Variants in MGAT4C observed in about 807,000 individuals in gnomAD.
The protein encoded by MGAT4C is MGAT4 family member C.
In MGAT4C, 19 loss-of-function variants were observed where a neutral mutation model predicts 40.1. The ratio of observed to expected loss-of-function variants is 0.47; its 90% CI spans 0.33 to 0.70. The LOEUF is 0.70. Among genes scored for constraint, MGAT4C ranks in the 30% least tolerant of loss-of-function variants. The pLI, the probability that MGAT4C is intolerant of heterozygous loss-of-function variation, is 0.02. For missense variants in MGAT4C, 491 were observed against 563.2 expected (o/e 0.87, Z 1.30); for synonymous variants, 181 against 187.1 (o/e 0.97, Z 0.27).
intron 3 of MGAT4C, among the ~76,000 whole-genome samples, chr12:86,357,769 A>AT (rs1955350940): frequency 6.6e-6 from 1 of 152,202 alleles, no homozygotes; most frequent in Admixed American, 6.5e-5. Flanking sequence ...CAAGAAGAGA[A>AT]GTTTAAAGAA....
intron 1 of MGAT4C, among the ~76,000 whole-genome samples, chr12:86,772,363 C>T (rs999529796): frequency 3.3e-5 from 5 of 152,194 alleles, no homozygotes; most frequent in African/African-American, 7.2e-5. Flanking sequence ...ACAAAATAAA[C>T]GGATGGAACA....
intron 1 of MGAT4C, among the ~76,000 whole-genome samples, chr12:86,191,674 C>CACACA: frequency 1.7e-5 from 2 of 115,470 alleles, no homozygotes; most frequent in African/African-American, 2.9e-5. Flanking sequence ...CACACACACA[C>CACACA]CCTTATCTCC....
chr12:86,613,551 T>C (rs1216381705), intron 2 of MGAT4C, among the ~76,000 whole-genome samples: 1 of 152,168 alleles, frequency 6.6e-6, no homozygotes, highest in African/African-American at 2.4e-5. Context: ...TGCAATTACA[T>C]TGTTATTTCA....
chr12:86,593,829 G>A (rs192935026), intron 2 of MGAT4C, among the ~76,000 whole-genome samples: 2 of 152,172 alleles, frequency 1.3e-5, no homozygotes, highest in East Asian at 3.9e-4. Context: ...AATGTAGTTG[G>A]TAGGGATTTA....
chr12:86,823,108 A>G lies in MGAT4C; in HGVS notation c.-262+15558T>C, dbSNP rs564835448. On this transcript the variant is annotated intron_variant, in intron 1 of 7. Coordinates refer to the MGAT4C transcript ENST00000548651. Reference sequence around the variant, plus strand: ...AACAAAAACACAACACAGTAAAACTAATGAGATGCACCAACTAAGTATTAC... The same window carrying G: ...AACAAAAACACAACACAGTAAAACTGATGAGATGCACCAACTAAGTATTAC... Among the ~76,000 whole-genome samples the G allele has an allele frequency of 6.6e-5, 10 of 151,232 alleles. No individual in the cohort carries two copies. The East Asian group carries it at 2.0e-3, about 30-fold the overall frequency.
chr12:86,073,140 A>G (rs1350381343), intron 1 of MGAT4C, among the ~76,000 whole-genome samples: 1 of 152,082 alleles, frequency 6.6e-6, no homozygotes, highest in Non-Finnish European at 1.5e-5. Context: ...GTGGTAGTGA[A>G]TAAGTCTCAT....
chr12:86,570,260 A>C (rs972445102), intron 2 of MGAT4C, among the ~76,000 whole-genome samples: 1 of 152,006 alleles, frequency 6.6e-6, no homozygotes, highest in African/African-American at 2.4e-5. Context: ...GTCATTTGAC[A>C]ATGTATACAT....
chr12:86,782,506 GGATTT>G (rs894684008), intron 1 of MGAT4C, among the ~76,000 whole-genome samples: 21 of 151,906 alleles, frequency 1.4e-4, no homozygotes, highest in Non-Finnish European at 2.2e-4. Context: ...TTTAAAATTA[GGATTT>G]ATTTGGAATA....
rs1368374924 is a variant in MGAT4C, at chr12:86,774,304, TTTCTTTCTTTC to T, written c.-261-47074_-261-47064del. Among the ~76,000 whole-genome samples, 19 of 25,348 alleles carry T rather than the reference TTTCTTTCTTTC, an allele frequency of 7.5e-4. 2 individuals carry two copies. The highest frequency in any genetic ancestry group is 1.7e-3 in the African/African-American group (18 of 10,484). The allele number at this position is 25,348 out of a possible 152,430, so 16.6% of individuals were successfully genotyped here. A position where few individuals can be genotyped will look rare whatever the true frequency, so the allele number is the denominator to read the frequency against. On this transcript the variant is annotated intron_variant, in intron 1 of 7. Coordinates refer to the MGAT4C transcript ENST00000548651. ...TGCTCTTTCTTTCTTTCTTTCTTTC[TTTCTTTCTTTC>T]TTTCTTTCTTTCTTTCTTTCTTTCT...
rs146175606 is a variant in MGAT4C, at chr12:86,291,452, C to A, written c.-57+42613G>T. 3.8e-3 allele frequency among the ~76,000 whole-genome samples: 576 copies of A among 152,228 alleles called. 5 individuals carry two copies. Among genetic ancestry groups the A allele is most frequent in the African/African-American group, 0.013 (529 of 41,550 alleles). On this transcript the variant is annotated intron_variant, in intron 4 of 7. Coordinates refer to the MGAT4C transcript ENST00000548651. ...GTTTTCTTAACAAGGTAGTTACTCC[C>A]AGGGAAGATCAGGTCTAATTGAGAA...
chr12:86,424,060 G>C (rs1225771545), intron 3 of MGAT4C, among the ~76,000 whole-genome samples: 1 of 152,158 alleles, frequency 6.6e-6, no homozygotes, highest in Non-Finnish European at 1.5e-5. Context: ...AAGGATGAAA[G>C]AATGCAAATT....
In MGAT4C at chr12:86,760,287, C is replaced by G. The variant is rs73393140; in HGVS notation, c.-261-33046G>C. 3.5e-3 allele frequency among the ~76,000 whole-genome samples: 529 copies of G among 152,100 alleles called. 7 individuals are homozygous for G. The highest frequency in any genetic ancestry group is 0.012 in the African/African-American group (512 of 41,538). On this transcript the variant is annotated intron_variant, in intron 1 of 7. Coordinates refer to the MGAT4C transcript ENST00000548651. Reference sequence around the variant, plus strand: ...AAATAACTCAGAATGGATTAAAGACCTCAATGTAAGTCTTAAAACTATCAA... The same window carrying G: ...AAATAACTCAGAATGGATTAAAGACGTCAATGTAAGTCTTAAAACTATCAA...
chr12:86,613,920 T>G (rs182301477), intron 2 of MGAT4C, among the ~76,000 whole-genome samples: 1 of 152,156 alleles, frequency 6.6e-6, no homozygotes, highest in East Asian at 1.9e-4. Flanking sequence ...ATACATAAAT[T>G]GAAAGACATA....
chr12:86,540,140 T>A (rs574410969), intron 2 of MGAT4C, among the ~76,000 whole-genome samples: 1 of 152,130 alleles, frequency 6.6e-6, no homozygotes, highest in Non-Finnish European at 1.5e-5. Context: ...TCTTCTAGGG[T>A]TTTTATGGTT....
intron 2 of MGAT4C, among the ~76,000 whole-genome samples, chr12:86,711,159 C>T (rs112410091): frequency 0.025 from 3,864 of 152,066 alleles, 79 homozygotes; most frequent in Non-Finnish European, 0.036. Flanking sequence ...GTCCAAAACC[C>T]ACGTGTACCC....
At chr12:86,636,062 C>T (rs1012980239) in intron 2 of MGAT4C, among the ~76,000 whole-genome samples, 2 of 151,940 alleles carry the variant, frequency 1.3e-5, no homozygotes, top group Non-Finnish European at 1.5e-5. Context: ...AGTACAGTAA[C>T]GTGCTGCACA....
chr12:86,700,912 T>C (rs74426281), intron 2 of MGAT4C, among the ~76,000 whole-genome samples: 2,874 of 152,162 alleles, frequency 0.019, 48 homozygotes, highest in Non-Finnish European at 0.029. Context: ...ATTTCCTCAA[T>C]CTTGTAGAAC....
At chr12:86,658,335 T>A (rs931214667) in intron 2 of MGAT4C, among the ~76,000 whole-genome samples, 3 of 152,060 alleles carry the variant, frequency 2.0e-5, no homozygotes, top group African/African-American at 7.2e-5. Context: ...GCAAAAAACA[T>A]CTTTGAAGAT....
chr12:86,062,420 G>T (rs1894084346), intron 1 of MGAT4C, among the ~76,000 whole-genome samples: 1 of 152,046 alleles, frequency 6.6e-6, no homozygotes, highest in Non-Finnish European at 1.5e-5. Context: ...AAGATTAGGA[G>T]AAACCAGTGC....
Sources: allele counts gnomAD v4.1 joint callset (sites outside exome capture counted in the v4.1 genomes callset), GRCh38; gene constraint gnomAD v4.1.1; transcripts MANE v1.5; gene names NCBI Gene and HGNC (gene_info 2026-07-23, HGNC 2026-07-21).